AKAP19: variants seen among roughly 807,000 people sequenced by gnomAD.
AKAP19 encodes A-kinase anchoring protein 19, also known as small A-kinase anchoring protein.
the AKAP19 span, among the ~76,000 whole-genome samples, chr2:190,112,342 A>G: frequency 3.3e-5 from 5 of 152,158 alleles, no homozygotes; most frequent in African/African-American, 1.2e-4. Context: ...GAGGAACACT[A>G]TAGATTCTTA....
chr2:190,135,085 T>A, the AKAP19 span, among the ~76,000 whole-genome samples: 5 of 152,212 alleles, frequency 3.3e-5, no homozygotes, highest in South Asian at 8.3e-4. Flanking sequence ...ACAACTTTTT[T>A]ATGTTAGTAT....
chr2:190,167,954 G>T, the AKAP19 span, among the ~76,000 whole-genome samples: 1 of 152,116 alleles, frequency 6.6e-6, no homozygotes, highest in African/African-American at 2.4e-5. Flanking sequence ...TCTTCTCACG[G>T]CTCCACCAGG....
At chr2:190,106,946 A>G in the AKAP19 span, among the ~76,000 whole-genome samples, 1 of 152,216 alleles carries the variant, frequency 6.6e-6, no homozygotes, top group South Asian at 2.1e-4. Context: ...TTCTATTCCT[A>G]GATCCTACTA....
the AKAP19 span, among the ~76,000 whole-genome samples, chr2:190,050,333 T>C: frequency 6.6e-6 from 1 of 152,176 alleles, no homozygotes; most frequent in Admixed American, 6.5e-5. Context: ...GGCTTTCAGT[T>C]TGTTTACTTA....
chr2:189,888,884 C>T, the AKAP19 span, among the ~76,000 whole-genome samples: 2 of 152,170 alleles, frequency 1.3e-5, no homozygotes, highest in Non-Finnish European at 2.9e-5. Context: ...ATGTCATCTG[C>T]AAACAGGGAC....
At chr2:189,961,885 C>T in the AKAP19 span, among the ~76,000 whole-genome samples, 1 of 151,216 alleles carries the variant, frequency 6.6e-6, no homozygotes, top group African/African-American at 2.4e-5. Context: ...GCACTCTAGC[C>T]TGGGTGACAG....
the AKAP19 span, among the ~76,000 whole-genome samples, chr2:189,926,773 C>T: frequency 1.3e-5 from 2 of 151,632 alleles, no homozygotes; most frequent in East Asian, 1.9e-4. Context: ...TTAGTAGAGA[C>T]GGGGTTTCAC....
At chr2:190,107,062 G>C in the AKAP19 span, among the ~76,000 whole-genome samples, 1 of 152,072 alleles carries the variant, frequency 6.6e-6, no homozygotes, top group Admixed American at 6.5e-5. Context: ...CTGAGGAGAA[G>C]GGCCATATTT....
At chr2:189,916,250 A>C in the AKAP19 span, among the ~76,000 whole-genome samples, 1 of 152,056 alleles carries the variant, frequency 6.6e-6, no homozygotes, top group African/African-American at 2.4e-5. Context: ...TAATATACTA[A>C]AGACAGAATA....
At chr2:189,929,860 T>C in the AKAP19 span, among the ~76,000 whole-genome samples, 2 of 152,180 alleles carry the variant, frequency 1.3e-5, no homozygotes, top group Non-Finnish European at 2.9e-5. Context: ...CAAATGCCAG[T>C]AACATCAGAA....
the AKAP19 span, among the ~76,000 whole-genome samples, chr2:189,882,549 G>C: frequency 1.3e-5 from 2 of 152,144 alleles, no homozygotes; most frequent in Admixed American, 1.3e-4. Context: ...GCATTCTTTT[G>C]ATTCCTTGAT....
the AKAP19 span, among the ~76,000 whole-genome samples, chr2:189,986,373 A>C: frequency 5.3e-5 from 8 of 152,086 alleles, no homozygotes; most frequent in Admixed American, 2.0e-4. Context: ...GGGAGCAAAA[A>C]AAAAACAAAA....
the AKAP19 span, among the ~76,000 whole-genome samples, chr2:189,961,362 G>A: frequency 6.6e-6 from 1 of 152,088 alleles, no homozygotes; most frequent in African/African-American, 2.4e-5. Context: ...AAATACACTG[G>A]CTTCACAGCA....
At chr2:190,109,994 G>C in the AKAP19 span, among the ~76,000 whole-genome samples, 1 of 152,184 alleles carries the variant, frequency 6.6e-6, no homozygotes, top group African/African-American at 2.4e-5. Flanking sequence ...CCCAGCTCCA[G>C]AGCTTCTGAT....
At chr2:189,992,202 C>T in the AKAP19 span, among the ~76,000 whole-genome samples, 3 of 137,176 alleles carry the variant, frequency 2.2e-5, no homozygotes, top group African/African-American at 7.4e-5. Flanking sequence ...ATTACAGGCA[C>T]CCCCCACCAT....
the AKAP19 span, among the ~76,000 whole-genome samples, chr2:190,075,926 A>G: frequency 6.6e-6 from 1 of 151,754 alleles, no homozygotes; most frequent in Non-Finnish European, 1.5e-5. Flanking sequence ...ATTATTTTTT[A>G]GTATTTCATT....
chr2:190,092,963 A>C, the AKAP19 span, among the ~76,000 whole-genome samples: 1 of 152,336 alleles, frequency 6.6e-6, no homozygotes, highest in South Asian at 2.1e-4. Context: ...GAAATACCAG[A>C]AATACCCTGT....
At chr2:190,065,270 T>C in the AKAP19 span, among the ~76,000 whole-genome samples, 4 of 152,066 alleles carry the variant, frequency 2.6e-5, no homozygotes, top group African/African-American at 9.7e-5. Flanking sequence ...GAAAGTAGCA[T>C]GGTGGTTGCC....
chr2:189,973,779 C>T, the AKAP19 span, among the ~76,000 whole-genome samples: 98 of 151,958 alleles, frequency 6.4e-4, no homozygotes, highest in African/African-American at 2.1e-3. Context: ...ATAGAGGTGT[C>T]TATATTATTC....
Sources: gnomAD v4.1 joint callset for allele counts (sites outside exome capture counted in the v4.1 genomes callset) on GRCh38, gnomAD v4.1.1 for gene constraint, MANE v1.5 for transcripts, NCBI Gene and HGNC (gene_info 2026-07-23, HGNC 2026-07-21) for gene names.